The following CDH2 variants were observed in gnomAD, a reference collection of about 807,000 sequenced individuals.
CDH2 encodes cadherin 2.
A neutral mutation model predicts 92.0 loss-of-function variants in CDH2; 17 were observed. The observed-to-expected ratio is 0.18, with a 90% CI of 0.13 to 0.28. CDH2 has a LOEUF of 0.28. Among genes scored for constraint, CDH2 ranks in the 10% least tolerant of loss-of-function variants. CDH2 has a pLI of 1.00. For synonymous variants in CDH2, 419 were observed against 415.9 expected (o/e 1.01, Z -0.09); for missense variants, 862 against 1,133.1 (o/e 0.76, Z 3.44).
chr18:27,948,658 G>A (rs921253173), downstream of CDH2, among the ~76,000 whole-genome samples: 1 of 151,892 alleles, frequency 6.6e-6, no homozygotes, highest in Non-Finnish European at 1.5e-5. Context: ...AATGGCTAAT[G>A]AGCATAAGAA....
At chr18:28,063,993 A>T (rs937824820) in intron 2 of CDH2, among the ~76,000 whole-genome samples, 1 of 152,230 alleles carries the variant, frequency 6.6e-6, no homozygotes, top group Non-Finnish European at 1.5e-5. Flanking sequence ...ACACAGGAAA[A>T]GGTAATAGAA....
At chr18:28,134,742 A>G (rs2015833449) in intron 2 of CDH2, among the ~76,000 whole-genome samples, 1 of 152,208 alleles carries the variant, frequency 6.6e-6, no homozygotes, top group African/African-American at 2.4e-5. Context: ...GTTCAGCAGC[A>G]CAACCAAAAC....
At chr18:28,162,956 T>A (rs1292580573) in intron 1 of CDH2, among the ~76,000 whole-genome samples, 1 of 152,210 alleles carries the variant, frequency 6.6e-6, no homozygotes, top group Non-Finnish European at 1.5e-5. Context: ...CTGTGTCGGC[T>A]ATCTAGAAGG....
chr18:27,969,164 A>C (rs2011599516), intron 14 of CDH2, among the ~76,000 whole-genome samples: 1 of 152,154 alleles, frequency 6.6e-6, no homozygotes, highest in African/African-American at 2.4e-5. Flanking sequence ...CAGCCCCCCC[A>C]CCAACAAAAA....
At chr18:28,014,966 T>A (rs955990678) in intron 2 of CDH2, among the ~76,000 whole-genome samples, 1 of 151,202 alleles carries the variant, frequency 6.6e-6, no homozygotes, top group African/African-American at 2.4e-5. Flanking sequence ...AATGATTTTT[T>A]TATTTCTGTA....
chr18:28,112,455 G>A (rs1038746018), intron 2 of CDH2, among the ~76,000 whole-genome samples: 1 of 152,188 alleles, frequency 6.6e-6, no homozygotes, highest in Non-Finnish European at 1.5e-5. Flanking sequence ...AAATTCCTTT[G>A]AAGGAGGCAC....
At chr18:28,076,701 C>T (rs1220027) in intron 2 of CDH2, among the ~76,000 whole-genome samples, 36,160 of 130,482 alleles carry the variant, frequency 0.28, 5,173 homozygotes, top group Non-Finnish European at 0.3. Context: ...TCCCCCCACC[C>T]GACGACAGGC....
intron 2 of CDH2, among the ~76,000 whole-genome samples, chr18:28,069,251 T>C (rs896992955): frequency 6.6e-6 from 1 of 152,176 alleles, no homozygotes; most frequent in South Asian, 2.1e-4. Context: ...CCTTGGTTTG[T>C]TTATGTAGAA....
intron 2 of CDH2, among the ~76,000 whole-genome samples, chr18:28,034,070 T>C (rs533602): frequency 0.27 from 40,568 of 151,836 alleles, 5,667 homozygotes; most frequent in South Asian, 0.38. Context: ...CAATTCTTTC[T>C]GGTTTGGTGA....
At chr18:28,121,714 C>T (rs955119950) in intron 2 of CDH2, among the ~76,000 whole-genome samples, 2 of 152,012 alleles carry the variant, frequency 1.3e-5, no homozygotes, top group Non-Finnish European at 2.9e-5. Context: ...ACACTGTAGT[C>T]CCATAAACTA....
intron 2 of CDH2, among the ~76,000 whole-genome samples, chr18:28,105,634 T>C (rs2015308285): frequency 1.3e-5 from 2 of 152,296 alleles, no homozygotes. Flanking sequence ...ACAACAAATT[T>C]ATATCAGTCA....
intron 2 of CDH2, among the ~76,000 whole-genome samples, chr18:28,044,047 G>T (rs1045245115): frequency 2.6e-5 from 4 of 151,646 alleles, no homozygotes; most frequent in Non-Finnish European, 5.9e-5. Flanking sequence ...TGAGTAGCTG[G>T]GATTACAGGC....
At chr18:28,063,933 T>C (rs1171015489) in intron 2 of CDH2, among the ~76,000 whole-genome samples, 1 of 152,210 alleles carries the variant, frequency 6.6e-6, no homozygotes, top group Non-Finnish European at 1.5e-5. Context: ...GCACAGTATA[T>C]TGCAAATAAT....
intron 2 of CDH2, chr18:28,036,335 A>G: frequency 4.7e-6 from 3 of 640,438 alleles, no homozygotes; most frequent in Non-Finnish European, 5.5e-6. Flanking sequence ...GTTAACAGAA[A>G]TTCACATAAG....
rs1236697824 is a variant in CDH2 at position 28,013,928 on chromosome 18, A to G, written c.173-19T>C. 6.3e-7 allele frequency: 1 copy of G among 1,575,588 alleles called. No homozygotes were observed. Among genetic ancestry groups the G allele is most frequent in the African/African-American group, 1.3e-5 (1 of 74,182 alleles). ...AACTTCACTGTAAAAGATAAGAAAT[A>G]GGTCAGTTATTATAATTATACCAAA... On this transcript the variant is annotated intron_variant, in intron 2 of 15. Coordinates refer to ENST00000269141, the MANE Select transcript of CDH2 (RefSeq NM_001792.5).
intron 2 of CDH2, among the ~76,000 whole-genome samples, chr18:28,107,407 G>T (rs1189786832): frequency 6.6e-6 from 1 of 151,954 alleles, no homozygotes; most frequent in African/African-American, 2.4e-5. Context: ...AATGGAAACT[G>T]TTGAATCCGT....
At chr18:27,959,637 A>T (rs747869326) in intron 15 of CDH2, 1 of 152,156 alleles carries the variant, frequency 6.6e-6, no homozygotes, top group East Asian at 1.9e-4. Flanking sequence ...TATTTTGGAG[A>T]GTTATTACTG....
rs2015714002 is a variant in CDH2, at chr18:28,128,526, AAACAAAT to A, written c.172+19140_172+19146del. ...ATGGCGAAACCCTGTCTCTACAAAA[AAACAAAT>A]AACAAACAAACAATTAGCTGGGCAT... On this transcript the variant is annotated intron_variant, in intron 2 of 15. Coordinates refer to ENST00000269141, the MANE Select transcript of CDH2 (RefSeq NM_001792.5). Among the ~76,000 whole-genome samples the A allele has an allele frequency of 1.3e-5, 2 of 152,028 alleles. 1 individual carries two copies. The highest frequency in any genetic ancestry group is 4.2e-4 in the South Asian group (2 of 4,814).
intron 2 of CDH2, among the ~76,000 whole-genome samples, chr18:28,142,219 T>C (rs995601074): frequency 8.6e-5 from 13 of 152,040 alleles, no homozygotes; most frequent in Admixed American, 2.6e-4. Flanking sequence ...TCTGTATGCA[T>C]GCATGATAGA....
Sources: gnomAD v4.1 joint callset for allele counts (sites outside exome capture counted in the v4.1 genomes callset) on GRCh38, gnomAD v4.1.1 for gene constraint, MANE v1.5 for transcripts, NCBI Gene and HGNC (gene_info 2026-07-23, HGNC 2026-07-21) for gene names.